Variants in CYP7B1 observed in about 807,000 individuals in gnomAD.
CYP7B1 encodes the protein cytochrome P450 7B1.
CYP7B1 carries 29 observed loss-of-function variants against 42.7 expected under a neutral mutation model. That is an observed-to-expected ratio of 0.68 (90% CI 0.51 to 0.93). The LOEUF is 0.93. Ranked by LOEUF, CYP7B1 falls within the 40% of genes least tolerant of loss-of-function variation. The pLI, the probability that CYP7B1 is intolerant of heterozygous loss-of-function variation, is 0.00. For synonymous variants in CYP7B1, 235 were observed against 218.2 expected (o/e 1.08, Z -0.68); for missense variants, 655 against 600.5 (o/e 1.09, Z -0.95).
In CYP7B1 at chr8:64,595,857, A is replaced by G. The variant is rs184225195; in HGVS notation, c.*785T>C. Reference sequence around the variant, plus strand: ...GTTTATACTAAAGCCAAATGATATAATCAATGCTGTAATTATTTCAACATT... The same window carrying G: ...GTTTATACTAAAGCCAAATGATATAGTCAATGCTGTAATTATTTCAACATT... On this transcript the variant is annotated 3_prime_UTR_variant, in exon 6 of 6. Transcript: ENST00000310193. Among the ~76,000 whole-genome samples the G allele has an allele frequency of 5.3e-3, 806 of 152,348 alleles. 1 individual carries two copies. The highest frequency in any genetic ancestry group is 9.2e-3 in the Non-Finnish European group (624 of 68,020).
At chr8:64,669,681 G>C (rs187985679) in intron 1 of CYP7B1, among the ~76,000 whole-genome samples, 1 of 151,564 alleles carries the variant, frequency 6.6e-6, no homozygotes, top group Non-Finnish European at 1.5e-5. Flanking sequence ...AACTGTAGGG[G>C]TTTCTTGAGT....
chr8:64,795,091 C>T (rs1585919276), intron 1 of CYP7B1, among the ~76,000 whole-genome samples: 1 of 151,880 alleles, frequency 6.6e-6, no homozygotes, highest in African/African-American at 2.4e-5. Flanking sequence ...TATTCTATGC[C>T]CCTCAATCTT....
intron 1 of CYP7B1, among the ~76,000 whole-genome samples, chr8:64,732,481 T>C (rs28873972): frequency 0.29 from 43,943 of 152,058 alleles, 7,590 homozygotes; most frequent in African/African-American, 0.48. Context: ...AAGTAACTAA[T>C]TTGCTTTTGA....
rs554775272 is a variant in CYP7B1 at position 64,767,079 on chromosome 8, G to A, written c.122+31387C>T. Among the ~76,000 whole-genome samples the A allele has an allele frequency of 3.3e-5, 5 of 152,312 alleles. No homozygotes were observed. The South Asian group carries it at 1.0e-3, about 32-fold the overall frequency. On this transcript the variant is annotated intron_variant, in intron 1 of 5. Coordinates refer to ENST00000310193, the MANE Select transcript of CYP7B1 (RefSeq NM_004820.5). ...CTGAAAGCCTCACTCCTTTGTTAGG[G>A]AGAGACATCCTAGCAAAAGCAGAGG...
intron 1 of CYP7B1, among the ~76,000 whole-genome samples, chr8:64,705,065 T>C (rs1170574353): frequency 6.6e-6 from 1 of 152,032 alleles, no homozygotes; most frequent in Non-Finnish European, 1.5e-5. Flanking sequence ...ACTCTTTCAG[T>C]CATTCCCAGC....
intron 1 of CYP7B1, among the ~76,000 whole-genome samples, chr8:64,724,453 A>T (rs551474753): frequency 6.6e-6 from 1 of 152,246 alleles, no homozygotes; most frequent in East Asian, 1.9e-4. Flanking sequence ...AGCCAAAAGA[A>T]TGAATTTTTT....
intron 1 of CYP7B1, among the ~76,000 whole-genome samples, chr8:64,652,471 C>T (rs1263814525): frequency 6.6e-6 from 1 of 152,180 alleles, no homozygotes; most frequent in Non-Finnish European, 1.5e-5. Context: ...TCATACCAAA[C>T]ACACCCTCAG....
intron 1 of CYP7B1, among the ~76,000 whole-genome samples, chr8:64,692,259 G>A (rs1040586725): frequency 6.6e-6 from 1 of 152,118 alleles, no homozygotes; most frequent in Admixed American, 6.5e-5. Flanking sequence ...TCTCTGAAAG[G>A]GTTCACTCCT....
At position 64,592,518 on chromosome 8, in the gene CYP7B1, G is replaced by T. The variant is rs1250611905; in HGVS notation, c.*4124C>A. On this transcript the variant is annotated 3_prime_UTR_variant, in exon 6 of 6. Transcript: ENST00000310193. ...GTTCTTGAAGGGGAAGGGGAATCCA[G>T]TGTCTAGCATCAATCATATCTAGAA... Among the ~76,000 whole-genome samples the T allele has an allele frequency of 1.3e-5, 2 of 152,216 alleles. No homozygotes were observed. Among genetic ancestry groups the T allele is most frequent in the African/African-American group, 4.8e-5 (2 of 41,456 alleles).
intron 1 of CYP7B1, among the ~76,000 whole-genome samples, chr8:64,711,192 CTAATGATAGTGGTCA>C (rs1198754092): frequency 6.6e-6 from 1 of 152,182 alleles, no homozygotes; most frequent in Non-Finnish European, 1.5e-5. Context: ...GCCCTTAACT[CTAATGATAGTGGTCA>C]TATCTGCTGT....
rs191212811 is a variant in CYP7B1 at position 64,741,586 on chromosome 8, G to A, written c.122+56880C>T. 1.8e-3 allele frequency among the ~76,000 whole-genome samples: 276 copies of A among 152,240 alleles called. 5 individuals carry two copies. Among genetic ancestry groups the A allele is most frequent in the Non-Finnish European group, 2.8e-4 (19 of 68,022 alleles). Reference sequence around the variant, plus strand: ...CCCCACCTTGGCCTCCCATAGCGCTGGGATTACAGGCATGAGCCATCGTGC... The same window carrying A: ...CCCCACCTTGGCCTCCCATAGCGCTAGGATTACAGGCATGAGCCATCGTGC... On this transcript the variant is annotated intron_variant, in intron 1 of 5. Coordinates refer to ENST00000310193, the MANE Select transcript of CYP7B1 (RefSeq NM_004820.5).
intron 1 of CYP7B1, among the ~76,000 whole-genome samples, chr8:64,634,333 G>A (rs973138987): frequency 2.0e-5 from 3 of 152,064 alleles, no homozygotes; most frequent in Non-Finnish European, 4.4e-5. Flanking sequence ...ACCTTGGGAA[G>A]GCAAGGTGGG....
intron 1 of CYP7B1, among the ~76,000 whole-genome samples, chr8:64,645,580 C>A (rs1449678592): frequency 6.6e-6 from 1 of 152,138 alleles, no homozygotes; most frequent in South Asian, 2.1e-4. Context: ...ATTTCATGCT[C>A]GTGGGTAGGA....
chr8:64,616,124 G>C lies in CYP7B1; in HGVS notation c.417C>G (p.His139Gln). 3 of 1,613,698 alleles carry C rather than the reference G, an allele frequency of 1.9e-6. No individual in the cohort carries two copies. Among genetic ancestry groups the C allele is most frequent in the Non-Finnish European group, 2.5e-6 (3 of 1,179,800 alleles). ...TGCCTTGCAAAAATTGATAGCAGAG[G>C]TGAAGCTCATCATTCATGTCATGAT... ...QKNHDMNDEL[H>Q]LCYQFLQGKS... Residue 139 changes from histidine to glutamine, a missense_variant, in exon 3 of 6, where the codon CAC becomes CAG. Physicochemically the swap from His to Gln is conservative, Grantham distance 24. Transcript: ENST00000310193.
At chr8:64,744,829 A>G (rs995957946) in intron 1 of CYP7B1, among the ~76,000 whole-genome samples, 1 of 152,206 alleles carries the variant, frequency 6.6e-6, no homozygotes, top group Admixed American at 6.5e-5. Flanking sequence ...TCAAAAGTCA[A>G]TAAACTATAC....
At chr8:64,621,625 T>C (rs1268603556) in intron 2 of CYP7B1, among the ~76,000 whole-genome samples, 1 of 152,118 alleles carries the variant, frequency 6.6e-6, no homozygotes, top group Non-Finnish European at 1.5e-5. Flanking sequence ...GAAAGGCTGG[T>C]GGAGACCTGA....
intron 5 of CYP7B1, among the ~76,000 whole-genome samples, chr8:64,600,078 A>G (rs1157404738): frequency 6.6e-6 from 1 of 152,228 alleles, no homozygotes; most frequent in East Asian, 1.9e-4. Context: ...TTTAAAAACC[A>G]TTTTCAAGCT....
intron 1 of CYP7B1, among the ~76,000 whole-genome samples, chr8:64,789,564 C>T (rs13265280): frequency 0.27 from 40,958 of 152,098 alleles, 6,808 homozygotes; most frequent in African/African-American, 0.47. Context: ...TTCAATGCAG[C>T]GGTTCTCTAC....
At chr8:64,682,613 CT>C in intron 1 of CYP7B1, among the ~76,000 whole-genome samples, 1 of 152,348 alleles carries the variant, frequency 6.6e-6, no homozygotes, top group Middle Eastern at 3.4e-3. Context: ...GTTCCTCTGT[CT>C]GTGTTCCCCA....
Sources: gnomAD v4.1 joint callset for allele counts (sites outside exome capture counted in the v4.1 genomes callset) on GRCh38, gnomAD v4.1.1 for gene constraint, MANE v1.5 for transcripts, NCBI Gene and HGNC (gene_info 2026-07-23, HGNC 2026-07-21) for gene names.